VPS13B: variants seen among roughly 807,000 people sequenced by gnomAD.
The protein encoded by VPS13B is vacuolar protein sorting 13 homolog B.
Under a neutral mutation model 426.4 loss-of-function variants are expected in VPS13B, and 285 were observed. The observed-to-expected ratio is 0.67, with a 90% CI of 0.61 to 0.74. The LOEUF is 0.74. VPS13B is among the 30% of genes least tolerant of loss of function. The pLI is 0.00. For synonymous variants in VPS13B, 1,676 were observed against 1,676.4 expected (o/e 1.00, Z 0.01); for missense variants, 4,537 against 4,782.6 (o/e 0.95, Z 1.51).
At chr8:99,509,196 A>T (rs1237622004) in intron 28 of VPS13B, among the ~76,000 whole-genome samples, 1 of 152,126 alleles carries the variant, frequency 6.6e-6, no homozygotes, top group African/African-American at 2.4e-5. Flanking sequence ...TCCATCTGTT[A>T]TTGCTCATTG....
At chr8:99,543,156 C>T (rs1253637570) in intron 30 of VPS13B, among the ~76,000 whole-genome samples, 2 of 152,056 alleles carry the variant, frequency 1.3e-5, no homozygotes, top group East Asian at 1.9e-4. Flanking sequence ...GAAATAACGC[C>T]GCAGATCTAC....
intron 29 of VPS13B, among the ~76,000 whole-genome samples, chr8:99,519,375 A>G (rs1400070216): frequency 6.6e-6 from 1 of 152,212 alleles, no homozygotes; most frequent in African/African-American, 2.4e-5. Context: ...TAGTTCTACC[A>G]TTGTGGAAGT....
intron 4 of VPS13B, 81 bp from the exon 5 acceptor site, chr8:99,102,872 A>G: frequency 7.5e-7 from 1 of 1,332,456 alleles, no homozygotes; most frequent in South Asian, 1.2e-5. Flanking sequence ...TTTCTCATAC[A>G]TTAAGTTCAA....
intron 24 of VPS13B, among the ~76,000 whole-genome samples, chr8:99,469,368 G>T (rs1819281962): frequency 1.3e-5 from 2 of 151,616 alleles, no homozygotes; most frequent in Non-Finnish European, 1.5e-5. Flanking sequence ...GTAGAACAGG[G>T]TCTCGCTTTG....
intron 24 of VPS13B, among the ~76,000 whole-genome samples, chr8:99,471,935 C>T (rs116109378): frequency 1.1e-3 from 160 of 152,084 alleles, no homozygotes; most frequent in African/African-American, 3.6e-3. Context: ...AAGATGCTAC[C>T]GTATAATACC....
intron 39 of VPS13B, among the ~76,000 whole-genome samples, chr8:99,751,172 A>AT (rs563309648): frequency 2.4e-4 from 36 of 151,124 alleles, no homozygotes; most frequent in Middle Eastern, 3.4e-3. Context: ...CAGGCTTATT[A>AT]TTTTTTTTTA....
intron 2 of VPS13B, among the ~76,000 whole-genome samples, chr8:99,028,707 C>G (rs1278846988): frequency 7.1e-6 from 1 of 140,660 alleles, no homozygotes; most frequent in African/African-American, 2.7e-5. Context: ...GGGCGGCTGG[C>G]CGGGTGGGGG....
chr8:99,493,543 G>A (rs1239599906), intron 25 of VPS13B, among the ~76,000 whole-genome samples: 1 of 152,132 alleles, frequency 6.6e-6, no homozygotes, highest in Non-Finnish European at 1.5e-5. Flanking sequence ...TGAGCACTTT[G>A]GGAGGCCGAG....
intron 29 of VPS13B, among the ~76,000 whole-genome samples, chr8:99,512,886 G>A (rs1338378677): frequency 6.6e-6 from 1 of 152,006 alleles, no homozygotes; most frequent in Non-Finnish European, 1.5e-5. Flanking sequence ...GCACGTGCCT[G>A]TAATCCCAGC....
At chr8:99,605,097 G>T (rs1183236927) in intron 33 of VPS13B, among the ~76,000 whole-genome samples, 1 of 152,098 alleles carries the variant, frequency 6.6e-6, no homozygotes, top group Non-Finnish European at 1.5e-5. Flanking sequence ...TGTGAGATTT[G>T]CACTATGTTA....
intron 19 of VPS13B, among the ~76,000 whole-genome samples, chr8:99,366,847 G>A (rs1812919928): frequency 6.6e-6 from 1 of 152,002 alleles, no homozygotes; most frequent in African/African-American, 2.4e-5. Flanking sequence ...ATCACTGCTT[G>A]CATAAACAAG....
At chr8:99,725,533 T>G (rs966527704) in intron 39 of VPS13B, among the ~76,000 whole-genome samples, 1 of 152,154 alleles carries the variant, frequency 6.6e-6, no homozygotes, top group African/African-American at 2.4e-5. Context: ...CACCCCTTGG[T>G]CTATGGAAAA....
intron 43 of VPS13B, among the ~76,000 whole-genome samples, chr8:99,787,496 AT>A (rs1563917344): frequency 2.1e-4 from 32 of 152,318 alleles, no homozygotes; most frequent in African/African-American, 7.2e-4. Context: ...GCACAGAATC[AT>A]AGATGCCATC....
intron 19 of VPS13B, among the ~76,000 whole-genome samples, chr8:99,277,155 C>T (rs907610991): frequency 2.0e-5 from 3 of 151,908 alleles, no homozygotes; most frequent in Admixed American, 2.0e-4. Context: ...GGAAATTCAC[C>T]TAATCTGCAA....
At chr8:99,161,895 G>A (rs2132639461) in intron 15 of VPS13B, among the ~76,000 whole-genome samples, 1 of 152,114 alleles carries the variant, frequency 6.6e-6, no homozygotes, top group African/African-American at 2.4e-5. Context: ...ACCACACCCA[G>A]CTAATTTTTG....
At chr8:99,153,633 T>C (rs1811193603) in intron 14 of VPS13B, among the ~76,000 whole-genome samples, 1 of 152,176 alleles carries the variant, frequency 6.6e-6, no homozygotes, top group Non-Finnish European at 1.5e-5. Flanking sequence ...CTGTAATTCA[T>C]TTTATTTTTA....
At chr8:99,239,458 A>G (rs1020070449) in intron 17 of VPS13B, among the ~76,000 whole-genome samples, 3 of 152,216 alleles carry the variant, frequency 2.0e-5, no homozygotes, top group Non-Finnish European at 4.4e-5. Flanking sequence ...AACATCAACA[A>G]TATTACTGTC....
At chr8:99,511,637 T>G in intron 29 of VPS13B, 125 bp downstream of exon 29, 1 of 946,392 alleles carries the variant, frequency 1.1e-6, no homozygotes. Flanking sequence ...GTTTGGTATA[T>G]TTTATAGAGA....
At chr8:99,027,886 G>GCGGCCTTC (rs1199776368) in intron 2 of VPS13B, among the ~76,000 whole-genome samples, 1 of 152,042 alleles carries the variant, frequency 6.6e-6, no homozygotes. Context: ...AGAGGACCCT[G>GCGGCCTTC]CGGCCTTCCG....
Sources: gnomAD v4.1 joint callset for allele counts (sites outside exome capture counted in the v4.1 genomes callset) on GRCh38, gnomAD v4.1.1 for gene constraint, MANE v1.5 for transcripts, NCBI Gene and HGNC (gene_info 2026-07-23, HGNC 2026-07-21) for gene names.